Variants in CCDC171 observed in about 807,000 individuals in gnomAD.
CCDC171 encodes coiled-coil domain containing 171, also known as coiled-coil domain-containing protein 171.
CCDC171 carries 177 observed loss-of-function variants against 168.2 expected under a neutral mutation model. The ratio of observed to expected loss-of-function variants is 1.05; its 90% CI spans 0.93 to 1.19. The LOEUF is 1.19. Ranked by LOEUF, CCDC171 falls within the 50% of genes most tolerant of loss-of-function variation. The probability of loss-of-function intolerance (pLI) is 0.00; values close to 1 mark genes in which losing one functional copy is unlikely to be tolerated. For synonymous variants in CCDC171, 687 were observed against 540.8 expected (o/e 1.27, Z -3.75); for missense variants, 1,991 against 1,539.0 (o/e 1.29, Z -4.91).
At chr9:15,609,906 A>G (rs1047194671) in intron 6 of CCDC171, among the ~76,000 whole-genome samples, 2 of 152,082 alleles carry the variant, frequency 1.3e-5, no homozygotes, top group African/African-American at 2.4e-5. Context: ...ATTGGATTGC[A>G]TTTATAGATC....
At chr9:15,586,881 C>T (rs2041603787) in intron 4 of CCDC171, among the ~76,000 whole-genome samples, 1 of 152,094 alleles carries the variant, frequency 6.6e-6, no homozygotes. Flanking sequence ...GGTCATAGCT[C>T]AGTGCAGCCT....
intron 1 of CCDC171, among the ~76,000 whole-genome samples, chr9:15,560,448 A>G (rs2039196932): frequency 6.6e-6 from 1 of 151,708 alleles, no homozygotes; most frequent in South Asian, 2.1e-4. Context: ...TTTTCTCTAA[A>G]TTTCTCTTCT....
intron 7 of CCDC171, among the ~76,000 whole-genome samples, chr9:15,650,700 C>G (rs1318840919): frequency 1.3e-5 from 2 of 152,040 alleles, no homozygotes; most frequent in East Asian, 3.8e-4. Flanking sequence ...TCCTTTGATA[C>G]ACATGTTTTT....
intron 6 of CCDC171, among the ~76,000 whole-genome samples, chr9:15,618,860 A>G (rs1041005905): frequency 3.3e-5 from 5 of 151,400 alleles, no homozygotes; most frequent in African/African-American, 9.7e-5. Context: ...AGTCCCAGTG[A>G]GATGAACTGT....
Position 15,664,270 on chromosome 9 carries a change from A to G in CCDC171, c.916-1893A>G, listed in dbSNP as rs535671292. Among the ~76,000 whole-genome samples, 7 of 152,202 alleles carry G rather than the reference A, an allele frequency of 4.6e-5. No homozygotes were observed. The East Asian group carries it at 9.7e-4, about 21-fold the overall frequency. On this transcript the variant is annotated intron_variant, in intron 8 of 25. Transcript: ENST00000380701. ...ACACCTTAATTTATTTATTTTTGAG[A>G]CAGGTTCTTGCTCTGTAACCCAGGC... is the stretch of plus-strand genomic sequence containing the variant.
At chr9:15,641,644 C>G (rs1189967621) in intron 7 of CCDC171, among the ~76,000 whole-genome samples, 2 of 152,086 alleles carry the variant, frequency 1.3e-5, no homozygotes, top group Non-Finnish European at 2.9e-5. Context: ...ACATTCTTCT[C>G]TATATTGCCC....
chr9:15,579,867 A>C (rs1386926283), intron 4 of CCDC171, among the ~76,000 whole-genome samples: 1 of 152,150 alleles, frequency 6.6e-6, no homozygotes, highest in Non-Finnish European at 1.5e-5. Context: ...TTTATTATTG[A>C]TGGGCATTTG....
intron 1 of CCDC171, among the ~76,000 whole-genome samples, chr9:16,053,183 TC>T (rs1833779638): frequency 1.3e-5 from 2 of 152,252 alleles, no homozygotes; most frequent in African/African-American, 4.8e-5. Flanking sequence ...TACAGGCAGC[TC>T]CACTCTAGAC....
chr9:15,808,017 T>C (rs2059157320), intron 21 of CCDC171, among the ~76,000 whole-genome samples: 1 of 152,016 alleles, frequency 6.6e-6, no homozygotes, highest in Admixed American at 6.6e-5. Flanking sequence ...GTTTTATCAT[T>C]GTTTAAGGTG....
At chr9:15,966,644 C>G (rs1040093282) in intron 25 of CCDC171, among the ~76,000 whole-genome samples, 4 of 152,124 alleles carry the variant, frequency 2.6e-5, no homozygotes, top group African/African-American at 9.7e-5. Flanking sequence ...TTTTAGATCT[C>G]TAGGCACACT....
intron 1 of CCDC171, among the ~76,000 whole-genome samples, chr9:15,562,358 T>G (rs778027806): frequency 1.3e-5 from 2 of 152,154 alleles, no homozygotes; most frequent in Non-Finnish European, 2.9e-5. Flanking sequence ...AAAAGTCTTA[T>G]ATAATGTAAT....
chr9:16,084,775 A>C, the CCDC171 span, among the ~76,000 whole-genome samples: 1 of 152,134 alleles, frequency 6.6e-6, no homozygotes, highest in African/African-American at 2.4e-5. Flanking sequence ...ATCTAACCCA[A>C]TTCCTTCATT....
chr9:15,724,972 C>T lies in CCDC171; in HGVS notation c.1688C>T (p.Ala563Val). The T allele has an allele frequency of 6.2e-7, 1 of 1,612,564 alleles. No individual in the cohort carries two copies. The highest frequency in any genetic ancestry group is 8.5e-7 in the Non-Finnish European group (1 of 1,178,710). Residue 563 changes from alanine to valine, a missense_variant, in exon 14 of 26, where the codon GCA becomes GTA. Transcript: ENST00000380701. ...CTTTCCCAGGCTTTCCATAAGGATG[C>T]AGAGGTATTACCTGAGACTCAATGA... ...QKLSQAFHKD[A>V]EEKLTFLHTL...
At chr9:15,915,966 C>T (rs1824444466) in intron 24 of CCDC171, among the ~76,000 whole-genome samples, 1 of 151,974 alleles carries the variant, frequency 6.6e-6, no homozygotes, top group South Asian at 2.1e-4. Context: ...TAAATCTCAC[C>T]TGGTTATAGT....
intron 11 of CCDC171, among the ~76,000 whole-genome samples, chr9:15,718,095 G>A (rs2053208966): frequency 6.6e-6 from 1 of 152,136 alleles, no homozygotes; most frequent in Non-Finnish European, 1.5e-5. Flanking sequence ...TGGCCAAAGG[G>A]GAGTCTGCTG....
At chr9:15,638,725 C>G (rs537203413) in intron 7 of CCDC171, among the ~76,000 whole-genome samples, 49 of 151,646 alleles carry the variant, frequency 3.2e-4, no homozygotes, top group African/African-American at 1.1e-3. Flanking sequence ...ATCACTGTGT[C>G]TTAATCATCT....
the CCDC171 span, among the ~76,000 whole-genome samples, chr9:16,092,925 T>C: frequency 6.6e-6 from 1 of 152,178 alleles, no homozygotes; most frequent in Non-Finnish European, 1.5e-5. Context: ...CCTGGTGGCC[T>C]TCTGAGCTCT....
intron 23 of CCDC171, among the ~76,000 whole-genome samples, chr9:15,872,501 C>A (rs1306548906): frequency 6.6e-6 from 1 of 151,828 alleles, no homozygotes; most frequent in Non-Finnish European, 1.5e-5. Context: ...TGGTTTTTTT[C>A]CCCTCTCTTT....
intron 24 of CCDC171, among the ~76,000 whole-genome samples, chr9:15,901,534 T>C (rs1467812638): frequency 1.3e-5 from 2 of 152,218 alleles, no homozygotes; most frequent in Non-Finnish European, 2.9e-5. Context: ...AAAGTAAATA[T>C]ACCATAAAAT....
Sources: allele counts gnomAD v4.1 joint callset (sites outside exome capture counted in the v4.1 genomes callset), GRCh38; gene constraint gnomAD v4.1.1; transcripts MANE v1.5; gene names NCBI Gene and HGNC (gene_info 2026-07-23, HGNC 2026-07-21).